The following SEMA3A variants were observed in gnomAD, a reference collection of about 807,000 sequenced individuals.
The protein encoded by SEMA3A is semaphorin-3A.
In SEMA3A, 29 loss-of-function variants were observed where a neutral mutation model predicts 97.9. That is an observed-to-expected ratio of 0.30 (90% CI 0.22 to 0.40). The LOEUF is 0.40. SEMA3A is among the 10% of genes least tolerant of loss of function. The pLI is 1.00. For synonymous variants in SEMA3A, 321 were observed against 323.7 expected (o/e 0.99, Z 0.09); for missense variants, 763 against 951.3 (o/e 0.80, Z 2.60).
chr7:84,195,608 A>C (rs1423281506), upstream of SEMA3A, among the ~76,000 whole-genome samples: 1 of 152,076 alleles, frequency 6.6e-6, no homozygotes, highest in East Asian at 1.9e-4. Flanking sequence ...CCATTCCAAC[A>C]ATCAGTTCAA....
At chr7:84,320,494 CTAA>C (rs2098187319) in intron 2 of SEMA3A, among the ~76,000 whole-genome samples, 1 of 151,934 alleles carries the variant, frequency 6.6e-6, no homozygotes, top group South Asian at 2.1e-4. Context: ...CTAGCATCAA[CTAA>C]TAATATTATT....
chr7:83,961,489 C>A lies in SEMA3A; in HGVS notation c.2198G>T (p.Arg733Leu). Residue 733 changes from arginine (R) to leucine (L), a missense_variant, in exon 17 of 17, where the codon CGT becomes CTT. Coordinates refer to ENST00000265362, the MANE Select transcript of SEMA3A (RefSeq NM_006080.3). Reference protein sequence around the residue: ...EQVWKRDRKQRRQRPGHTPGN... With the variant: ...EQVWKRDRKQLRQRPGHTPGN... ...TGGGGTATGTCCTGGCCTTTGCCGA[C>A]GTTGTTTTCGGTCCCTTTTCCAAAC... The A allele has an allele frequency of 5.6e-6, 9 of 1,613,994 alleles. No homozygotes were observed. The highest frequency in any genetic ancestry group is 1.7e-5 in the Admixed American group (1 of 60,004).
intron 4 of SEMA3A, among the ~76,000 whole-genome samples, chr7:84,087,546 T>C (rs1480393513): frequency 1.3e-5 from 2 of 152,164 alleles, no homozygotes; most frequent in Non-Finnish European, 1.5e-5. Context: ...GTAATTTTAA[T>C]GAATATTCCT....
At chr7:84,071,923 C>T (rs1793756461) in intron 4 of SEMA3A, among the ~76,000 whole-genome samples, 1 of 152,068 alleles carries the variant, frequency 6.6e-6, no homozygotes, top group Non-Finnish European at 1.5e-5. Context: ...GTAGCAAAGA[C>T]ACATCCCAGG....
intron 3 of SEMA3A, among the ~76,000 whole-genome samples, chr7:84,303,198 T>C (rs1001692487): frequency 5.3e-5 from 8 of 152,082 alleles, no homozygotes; most frequent in Admixed American, 2.6e-4. Context: ...AAACCAAGCC[T>C]CTAAGCACTC....
chr7:84,402,380 T>G (rs1395458490), intron 1 of SEMA3A, among the ~76,000 whole-genome samples: 1 of 152,162 alleles, frequency 6.6e-6, no homozygotes, highest in Admixed American at 6.5e-5. Context: ...TGGGGAACAC[T>G]TGTACACTGT....
intron 1 of SEMA3A, among the ~76,000 whole-genome samples, chr7:84,387,419 A>G (rs1332226451): frequency 1.3e-5 from 2 of 152,232 alleles, no homozygotes; most frequent in African/African-American, 4.8e-5. Context: ...AAACTATTAA[A>G]TTAGCGGAAA....
At chr7:84,148,753 C>A (rs1277118572) in intron 1 of SEMA3A, among the ~76,000 whole-genome samples, 1 of 152,184 alleles carries the variant, frequency 6.6e-6, no homozygotes, top group Non-Finnish European at 1.5e-5. Flanking sequence ...CCTGATCCTC[C>A]TCCAGCTACT....
In SEMA3A at chr7:84,241,890, T is replaced by G. The variant is rs1799373056; in HGVS notation, c.-82-47222A>C. Among the ~76,000 whole-genome samples the G allele has an allele frequency of 2.0e-5, 3 of 152,208 alleles. No individual in the cohort carries two copies. In the South Asian group the frequency reaches 6.2e-4, roughly 31 times the overall value. On this transcript the variant is annotated intron_variant, in intron 3 of 3. Coordinates refer to the SEMA3A transcript ENST00000424555. Reference sequence around the variant, plus strand: ...AAGCATTTATTAAATAGAGAGTCTTTTCTCCATTACTTGTTTTTGTCAGGT... The same window carrying G: ...AAGCATTTATTAAATAGAGAGTCTTGTCTCCATTACTTGTTTTTGTCAGGT...
chr7:83,981,169 AAAAAC>A (rs1338917321), intron 14 of SEMA3A, 147 bp downstream of exon 14: 5 of 797,916 alleles, frequency 6.3e-6, no homozygotes, highest in Non-Finnish European at 7.8e-6. Context: ...AGAGAAGAGA[AAAAAC>A]AAAACGCAAC....
Position 83,977,126 on chromosome 7 carries a change from A to G in SEMA3A, c.1717+6T>C. On this transcript the variant is annotated splice_donor_region_variant and intron_variant, in intron 15 of 16. Coordinates refer to ENST00000265362, the MANE Select transcript of SEMA3A (RefSeq NM_006080.3). The stretch of plus-strand genomic sequence containing the variant: ...AGCAGGTTGAAAGATGAAAAATGTG[A>G]CTTACCATGGTGTAAGTCTGAACAG... 1 of 1,530,344 alleles carries G rather than the reference A, an allele frequency of 6.5e-7. No individual in the cohort carries two copies. Among genetic ancestry groups the G allele is most frequent in the Non-Finnish European group, 8.8e-7 (1 of 1,133,096 alleles). 94.8% of individuals were successfully genotyped at this position (1,530,344 alleles called of 1,614,324 possible). A position where few individuals can be genotyped will look rare whatever the true frequency, so the allele number is the denominator to read the frequency against.
chr7:84,395,687 C>T (rs75892726), intron 1 of SEMA3A, among the ~76,000 whole-genome samples: 3,975 of 152,064 alleles, frequency 0.026, 163 homozygotes, highest in African/African-American at 0.089. Flanking sequence ...TTATAGAGGG[C>T]CTTTTTCCCT....
intron 5 of SEMA3A, among the ~76,000 whole-genome samples, chr7:84,054,325 T>C (rs1401402061): frequency 2.0e-5 from 3 of 152,342 alleles, no homozygotes; most frequent in Non-Finnish European, 4.4e-5. Context: ...CTTGGTTCCA[T>C]TCTCCCCGTC....
chr7:83,986,162 G>C (rs1332145630), intron 12 of SEMA3A, among the ~76,000 whole-genome samples: 1 of 152,146 alleles, frequency 6.6e-6, no homozygotes, highest in Non-Finnish European at 1.5e-5. Context: ...CCTTAGCTGA[G>C]AGTGCCAGCC....
At position 84,062,450 on chromosome 7, in the gene SEMA3A, C is replaced by G. The variant is rs555613877; in HGVS notation, c.454-1892G>C. Among the ~76,000 whole-genome samples the G allele has an allele frequency of 1.2e-4, 19 of 152,320 alleles. No homozygotes were observed. The South Asian group carries it at 3.9e-3, about 32-fold the overall frequency. On this transcript the variant is annotated intron_variant, in intron 4 of 16. Coordinates refer to ENST00000265362, the MANE Select transcript of SEMA3A (RefSeq NM_006080.3). ...GCCGAATAGGAACAGCTCCGGTCTA[C>G]GGCTCCCAGAGTGAGCGACGCAGAA...
chr7:83,980,603 C>CAAAAAAAAAAAAAACAAAAAAAA (rs1789353637), intron 14 of SEMA3A, among the ~76,000 whole-genome samples: 4 of 53,968 alleles, frequency 7.4e-5, no homozygotes, highest in African/African-American at 2.9e-4. Context: ...GACTCCATCT[C>CAAAAAAAAAAAAAACAAAAAAAA]AAAAAAAAAA....
chr7:84,341,995 G>C (rs116481247), intron 2 of SEMA3A, among the ~76,000 whole-genome samples: 32 of 151,780 alleles, frequency 2.1e-4, no homozygotes, highest in African/African-American at 7.7e-4. Context: ...ACTCAGTGAA[G>C]CCTTTCCTAA....
intron 1 of SEMA3A, among the ~76,000 whole-genome samples, chr7:84,390,801 T>C (rs1803549844): frequency 6.6e-6 from 1 of 152,128 alleles, no homozygotes; most frequent in African/African-American, 2.4e-5. Flanking sequence ...TTTTGGGATA[T>C]AGATAATGTG....
intron 4 of SEMA3A, among the ~76,000 whole-genome samples, chr7:84,086,446 ATAT>A (rs1464133171): frequency 5.3e-4 from 74 of 139,608 alleles, no homozygotes; most frequent in African/African-American, 1.7e-3. Context: ...TATATTTTAT[ATAT>A]TATTATATTC....
Sources: allele counts gnomAD v4.1 joint callset (sites outside exome capture counted in the v4.1 genomes callset), GRCh38; gene constraint gnomAD v4.1.1; transcripts MANE v1.5; gene names NCBI Gene and HGNC (gene_info 2026-07-23, HGNC 2026-07-21).